Variants in NT5C2 observed in about 807,000 individuals in gnomAD.
NT5C2 encodes cytosolic purine 5'-nucleotidase.
In NT5C2, 58 loss-of-function variants were observed where a neutral mutation model predicts 76.1. The ratio of observed to expected loss-of-function variants is 0.76; its 90% CI spans 0.62 to 0.95. The LOEUF is 0.95. Ranked by LOEUF, NT5C2 falls within the 40% of genes least tolerant of loss-of-function variation. The pLI is 0.00. For synonymous variants in NT5C2, 229 were observed against 237.4 expected, an observed-to-expected ratio of 0.96 and a Z score of 0.32; for missense variants, 478 against 690.3, an observed-to-expected ratio of 0.69 and a Z score of 3.45.
At chr10:103,120,846 C>T (rs1009831348) in intron 4 of NT5C2, among the ~76,000 whole-genome samples, 1 of 152,142 alleles carries the variant, frequency 6.6e-6, no homozygotes, top group Admixed American at 6.6e-5. Context: ...TGCTTAAATA[C>T]CAATGTTCAC....
rs548489500 is a variant in NT5C2 at position 103,153,846 on chromosome 10, G to A, written c.102-14367C>T. Reference sequence around the variant, plus strand: ...TAAACAATGTGAATTACAAGAGAAGGAAGTATGTGCAGATCATATTACAGG... The same window carrying A: ...TAAACAATGTGAATTACAAGAGAAGAAAGTATGTGCAGATCATATTACAGG... On this transcript the variant is annotated intron_variant, in intron 3 of 18. Transcript: ENST00000404739. 22 of 920,932 alleles carry A rather than the reference G, an allele frequency of 2.4e-5. No individual in the cohort carries two copies. In the South Asian group the frequency reaches 1.1e-3, roughly 46 times the overall value. The allele number at this position is 920,932 out of a possible 1,614,324, so 57.0% of individuals were successfully genotyped here. A position where few individuals can be genotyped will look rare whatever the true frequency, so the allele number is the denominator to read the frequency against.
chr10:103,094,108 T>G, intron 13 of NT5C2, 70 bp from the exon 14 acceptor site: 2 of 813,710 alleles, frequency 2.5e-6, no homozygotes, highest in Middle Eastern at 2.7e-4. Context: ...CCCACAACCC[T>G]CCCATCCCAC....
At chr10:103,124,256 A>G (rs894860609) in intron 4 of NT5C2, among the ~76,000 whole-genome samples, 2 of 151,736 alleles carry the variant, frequency 1.3e-5, no homozygotes, top group Non-Finnish European at 2.9e-5. Context: ...TCCAAAATCT[A>G]TTTCCTTCAG....
rs193242001 is a variant in NT5C2 at position 103,163,382 on chromosome 10, T to C, written c.101+11476A>G. The stretch of plus-strand genomic sequence containing the variant: ...CTGTTTTTCCAGAGGAGCTGCACCC[T>C]CTCTGTTCACGAGCAATGTATGAGA... On this transcript the variant is annotated intron_variant, in intron 3 of 18. Coordinates refer to ENST00000404739, the MANE Select transcript of NT5C2 (RefSeq NM_001351169.2). 2.3e-3 allele frequency among the ~76,000 whole-genome samples: 343 copies of C among 152,290 alleles called. 4 individuals carry two copies. The highest frequency in any genetic ancestry group is 7.8e-3 in the African/African-American group (325 of 41,540).
At chr10:103,094,247 T>TAAAA in intron 13 of NT5C2, 101 bp downstream of exon 13, 1 of 671,522 alleles carries the variant, frequency 1.5e-6, no homozygotes, top group Non-Finnish European at 2.4e-6. Flanking sequence ...TACGGCTAAT[T>TAAAA]AAAAAAAAAA....
At position 103,174,842 on chromosome 10, in the gene NT5C2, TA is replaced by T. The variant is rs761904458; in HGVS notation, c.101+15del. 1.3e-6 allele frequency: 2 copies of T among 1,563,862 alleles called. No individual in the cohort carries two copies. Among genetic ancestry groups the T allele is most frequent in the Non-Finnish European group, 1.8e-6 (2 of 1,135,356 alleles). On this transcript the variant is annotated intron_variant, in intron 3 of 18. Transcript: ENST00000404739. Reference sequence around the variant, plus strand: ...TCATAGAGGGGTTTTGAGGATTAAATAGACAAAATACTTACCGATGATAGGC... The same window carrying T: ...TCATAGAGGGGTTTTGAGGATTAAATGACAAAATACTTACCGATGATAGGC...
At chr10:103,102,097 G>A (rs746449189) in intron 6 of NT5C2, among the ~76,000 whole-genome samples, 10 of 152,066 alleles carry the variant, frequency 6.6e-5, no homozygotes, top group Non-Finnish European at 1.5e-4. Context: ...GGATAAACTG[G>A]GGAAAGACAA....
At chr10:103,119,378 A>G (rs1220688159) in intron 4 of NT5C2, among the ~76,000 whole-genome samples, 1 of 152,156 alleles carries the variant, frequency 6.6e-6, no homozygotes, top group Non-Finnish European at 1.5e-5. Flanking sequence ...TCCAAAAAAA[A>G]GTCAGAGGGT....
chr10:103,125,384 G>A, intron 4 of NT5C2: 2 of 300,490 alleles, frequency 6.7e-6, no homozygotes, highest in South Asian at 7.0e-5. Flanking sequence ...TGATGCTCTT[G>A]AGGGCATCAG....
intron 1 of NT5C2, among the ~76,000 whole-genome samples, chr10:103,192,920 G>A (rs1188084670): frequency 2.0e-5 from 3 of 152,160 alleles, no homozygotes; most frequent in Non-Finnish European, 4.4e-5. Flanking sequence ...CTGAGGCGGG[G>A]TCCCAGCGAG....
At chr10:103,094,218 CTT>C (rs1348891300) in intron 13 of NT5C2, 128 bp downstream of exon 13, 4 of 682,216 alleles carry the variant, frequency 5.9e-6, no homozygotes, top group Non-Finnish European at 4.9e-6. Context: ...GACCAAAACT[CTT>C]AATTTCAAAA....
chr10:103,128,975 A>AG (rs1348344342), intron 4 of NT5C2, among the ~76,000 whole-genome samples: 12 of 77,308 alleles, frequency 1.6e-4, no homozygotes, highest in Admixed American at 5.0e-4. Context: ...GGAGGGAGGT[A>AG]GGGGGGGGTC....
At chr10:103,187,849 A>G (rs557131702) in intron 1 of NT5C2, among the ~76,000 whole-genome samples, 1 of 152,312 alleles carries the variant, frequency 6.6e-6, no homozygotes, top group African/African-American at 2.4e-5. Context: ...ACTCATCTTT[A>G]AAGGCAAATG....
intron 3 of NT5C2, among the ~76,000 whole-genome samples, chr10:103,170,239 G>C (rs1232513720): frequency 6.6e-6 from 1 of 152,178 alleles, no homozygotes; most frequent in Non-Finnish European, 1.5e-5. Context: ...AAGCCCAGAA[G>C]TTTGAGGTTA....
At chr10:103,157,683 G>A (rs976315759) in intron 3 of NT5C2, among the ~76,000 whole-genome samples, 2 of 152,130 alleles carry the variant, frequency 1.3e-5, no homozygotes, top group Admixed American at 1.3e-4. Context: ...AGACCACAGA[G>A]TAGCCCATAA....
At chr10:103,191,400 AGAG>A (rs2092632772) in intron 1 of NT5C2, among the ~76,000 whole-genome samples, 6 of 71,946 alleles carry the variant, frequency 8.3e-5, no homozygotes, top group African/African-American at 1.6e-4. Flanking sequence ...AAAAAAAAAG[AGAG>A]AGAGAGGAAA....
chr10:103,096,857 A>AG (rs1474388946), intron 11 of NT5C2, among the ~76,000 whole-genome samples: 1 of 150,322 alleles, frequency 6.7e-6, no homozygotes, highest in Admixed American at 6.6e-5. Flanking sequence ...AAAAAAAAAA[A>AG]AAAAAAAAAA....
At chr10:103,135,005 C>A (rs775762116) in intron 4 of NT5C2, among the ~76,000 whole-genome samples, 8 of 152,248 alleles carry the variant, frequency 5.3e-5, no homozygotes, top group Non-Finnish European at 1.0e-4. Flanking sequence ...ATGCCTGTAT[C>A]CCCATTGTAT....
intron 4 of NT5C2, among the ~76,000 whole-genome samples, chr10:103,117,798 T>C (rs1174338888): frequency 6.6e-6 from 1 of 152,168 alleles, no homozygotes; most frequent in African/African-American, 2.4e-5. Flanking sequence ...ATTCTAGATA[T>C]CCTCCCTGGT....
Sources: gnomAD v4.1 joint callset for allele counts (sites outside exome capture counted in the v4.1 genomes callset) on GRCh38, gnomAD v4.1.1 for gene constraint, MANE v1.5 for transcripts, NCBI Gene and HGNC (gene_info 2026-07-23, HGNC 2026-07-21) for gene names.